The following MGAT4C variants were observed in gnomAD, a reference collection of about 807,000 sequenced individuals.
MGAT4C encodes the protein MGAT4 family member C, also known as alpha-1,3-mannosyl-glycoprotein 4-beta-N-acetylglucosaminyltransferase C.
A neutral mutation model predicts 40.1 loss-of-function variants in MGAT4C; 19 were observed. That is an observed-to-expected ratio of 0.47 (90% CI 0.33 to 0.70). The LOEUF is 0.70. Among genes scored for constraint, MGAT4C ranks in the 30% least tolerant of loss-of-function variants. MGAT4C has a pLI of 0.02. For missense variants in MGAT4C, 491 were observed against 563.2 expected (o/e 0.87, Z 1.30); for synonymous variants, 181 against 187.1 (o/e 0.97, Z 0.27).
intron 2 of MGAT4C, among the ~76,000 whole-genome samples, chr12:86,473,113 G>A (rs1292534215): frequency 1.3e-5 from 2 of 151,916 alleles, no homozygotes; most frequent in Non-Finnish European, 2.9e-5. Context: ...ACGCCTCCAC[G>A]TCCGGCTAAT....
chr12:86,748,873 T>C (rs1487761107), intron 1 of MGAT4C, among the ~76,000 whole-genome samples: 1 of 151,434 alleles, frequency 6.6e-6, no homozygotes, highest in South Asian at 2.1e-4. Context: ...GTGTTCACAA[T>C]AGTTATTAAT....
At chr12:86,818,038 T>C (rs1952637713) in intron 1 of MGAT4C, among the ~76,000 whole-genome samples, 1 of 151,364 alleles carries the variant, frequency 6.6e-6, no homozygotes, top group South Asian at 2.1e-4. Context: ...GAAATGAATA[T>C]TAACAGCAAA....
chr12:86,222,352 T>G (rs1950913491), intron 1 of MGAT4C, among the ~76,000 whole-genome samples: 1 of 152,112 alleles, frequency 6.6e-6, no homozygotes, highest in Non-Finnish European at 1.5e-5. Flanking sequence ...AAAATCAAAT[T>G]CAAACAAAGG....
At chr12:86,774,281 CTCTTTCTT>C (rs6144795) in intron 1 of MGAT4C, among the ~76,000 whole-genome samples, 1,167 of 58,934 alleles carry the variant, frequency 0.02, 62 homozygotes, top group East Asian at 0.043. Context: ...CTAAGGCTTG[CTCTTTCTT>C]TCTTTCTTTC....
At chr12:86,060,283 T>G (rs1051351454) in intron 1 of MGAT4C, among the ~76,000 whole-genome samples, 9 of 152,210 alleles carry the variant, frequency 5.9e-5, no homozygotes, top group Non-Finnish European at 1.0e-4. Context: ...CCTCCAAGTA[T>G]TTTTTGTTTG....
In MGAT4C at chr12:85,979,324, G is replaced by T. The variant is rs374295123; in HGVS notation, c.1402C>A (p.Leu468Ile). 169 of 1,607,454 alleles carry T rather than the reference G, an allele frequency of 1.1e-4. No individual in the cohort carries two copies. The highest frequency in any genetic ancestry group is 1.3e-4 in the Non-Finnish European group (157 of 1,175,968). The change falls in exon 5 of 5, where the codon CTA becomes ATA. Residue 468 changes from leucine to isoleucine, a missense_variant. Coordinates refer to ENST00000611864, the MANE Select transcript of MGAT4C (RefSeq NM_001351288.2). Reference protein sequence around the residue: ...IYVTKTQKEWLIIRSISIWTS With the variant: ...IYVTKTQKEWIIIRSISIWTS ...CAAATGCTAATACTCCTAATAATTA[G>T]CCATTCCTTTTGTGTTTTGGTGACA...
intron 1 of MGAT4C, among the ~76,000 whole-genome samples, chr12:86,772,648 T>G (rs1253438486): frequency 6.6e-6 from 1 of 152,138 alleles, no homozygotes; most frequent in African/African-American, 2.4e-5. Flanking sequence ...TCCAGAGGAC[T>G]TAAGATTTGG....
chr12:86,207,543 C>T (rs1950305629), intron 1 of MGAT4C, among the ~76,000 whole-genome samples: 1 of 149,164 alleles, frequency 6.7e-6, no homozygotes, highest in Admixed American at 6.8e-5. Context: ...TTGTCAGGTA[C>T]AAAAATACAA....
At chr12:86,739,117 G>C (rs1221020285) in intron 1 of MGAT4C, among the ~76,000 whole-genome samples, 2 of 90,402 alleles carry the variant, frequency 2.2e-5, no homozygotes, top group African/African-American at 8.7e-5. Context: ...TTTTAATTCA[G>C]CTATGTTTCC....
chr12:86,715,819 T>C (rs1325711957), intron 2 of MGAT4C, among the ~76,000 whole-genome samples: 2 of 152,148 alleles, frequency 1.3e-5, no homozygotes, highest in East Asian at 3.9e-4. Context: ...TAAAGTTTAG[T>C]AATCATGTTA....
intron 1 of MGAT4C, among the ~76,000 whole-genome samples, chr12:86,066,890 A>C (rs1894597682): frequency 6.6e-6 from 1 of 152,114 alleles, no homozygotes; most frequent in East Asian, 1.9e-4. Context: ...ATCAAAAAGT[A>C]GGTGAAGGAT....
chr12:86,481,444 T>A (rs1342019595), intron 2 of MGAT4C, among the ~76,000 whole-genome samples: 1 of 152,142 alleles, frequency 6.6e-6, no homozygotes, highest in Non-Finnish European at 1.5e-5. Flanking sequence ...GAGACATAAA[T>A]GTGTGTATTA....
chr12:86,320,531 G>A (rs1251091401), intron 4 of MGAT4C, among the ~76,000 whole-genome samples: 1 of 152,044 alleles, frequency 6.6e-6, no homozygotes, highest in Non-Finnish European at 1.5e-5. Context: ...ACCAAAAACT[G>A]TGCCAAATGC....
intron 2 of MGAT4C, among the ~76,000 whole-genome samples, chr12:86,551,339 A>G (rs1391558768): frequency 1.3e-5 from 2 of 152,192 alleles, no homozygotes; most frequent in Non-Finnish European, 2.9e-5. Flanking sequence ...GCAGCCTTGC[A>G]CATGTGTCCT....
At chr12:86,548,023 T>C (rs909317535) in intron 2 of MGAT4C, among the ~76,000 whole-genome samples, 2 of 152,168 alleles carry the variant, frequency 1.3e-5, no homozygotes, top group African/African-American at 2.4e-5. Context: ...CCGGTAATTC[T>C]GTAGCTCTTA....
At chr12:86,641,701 A>C (rs1050403674) in intron 2 of MGAT4C, among the ~76,000 whole-genome samples, 5 of 151,740 alleles carry the variant, frequency 3.3e-5, no homozygotes, top group Admixed American at 2.6e-4. Context: ...GTTTAGCTGA[A>C]ATAGGATTGT....
rs1259675337 is a variant in MGAT4C at position 86,347,250 on chromosome 12, T to A, written c.-119-13123A>T. On this transcript the variant is annotated intron_variant, in intron 3 of 7. Coordinates refer to the MGAT4C transcript ENST00000548651. ...AACCTGACTACTACACATGGCATATTTTAAAAACACGGCCACATTAAGTCT... is the reference window on the plus strand; with the variant it reads ...AACCTGACTACTACACATGGCATATATTAAAAACACGGCCACATTAAGTCT... Among the ~76,000 whole-genome samples the A allele has an allele frequency of 5.9e-5, 9 of 152,282 alleles. No individual in the cohort carries two copies. In the East Asian group the frequency reaches 1.7e-3, roughly 29 times the overall value.
At chr12:86,562,173 A>G (rs1213326327) in intron 2 of MGAT4C, among the ~76,000 whole-genome samples, 1 of 152,198 alleles carries the variant, frequency 6.6e-6, no homozygotes, top group Non-Finnish European at 1.5e-5. Flanking sequence ...CTTCAGAAGC[A>G]CACTCTGAGC....
intron 3 of MGAT4C, among the ~76,000 whole-genome samples, chr12:86,408,491 A>C (rs1056649188): frequency 0.019 from 2,238 of 120,844 alleles, 23 homozygotes; most frequent in African/African-American, 0.024. Flanking sequence ...ATATATATAT[A>C]TATATATATA....
Sources: allele counts gnomAD v4.1 joint callset (sites outside exome capture counted in the v4.1 genomes callset), GRCh38; gene constraint gnomAD v4.1.1; transcripts MANE v1.5; gene names NCBI Gene and HGNC (gene_info 2026-07-23, HGNC 2026-07-21).